Variants in SPTA1 observed in about 807,000 individuals in gnomAD.
SPTA1 encodes spectrin alpha chain, erythrocytic 1.
A neutral mutation model predicts 324.7 loss-of-function variants in SPTA1; 177 were observed. The observed-to-expected ratio is 0.55, with a 90% confidence interval of 0.48 to 0.62. SPTA1 has a LOEUF of 0.62. Among genes scored for constraint, SPTA1 ranks in the 20% least tolerant of loss-of-function variants. SPTA1 has a pLI of 0.00. For missense variants in SPTA1, 3,162 were observed against 2,883.6 expected (o/e 1.10, Z -2.21); for synonymous variants, 1,195 against 1,041.3 (o/e 1.15, Z -2.84).
In SPTA1 at chr1:158,662,692, C is replaced by T. The variant is rs749560378; in HGVS notation, c.2464+10G>A. ...TTCCTAGTGGCTCAGCCTGCTCAGG[C>T]TGTACTAACCAAGGTAGGTGGAAGT... On this transcript the variant is annotated intron_variant, in intron 17 of 51. Coordinates refer to ENST00000643759, the MANE Select transcript of SPTA1 (RefSeq NM_003126.4). The T allele has an allele frequency of 1.9e-6, 3 of 1,613,658 alleles. No individual in the cohort carries two copies. Among genetic ancestry groups the T allele is most frequent in the Non-Finnish European group, 2.5e-6 (3 of 1,179,936 alleles).
At chr1:158,664,435 G>A (rs78580275) in intron 16 of SPTA1, among the ~76,000 whole-genome samples, 11,700 of 152,150 alleles carry the variant, frequency 0.077, 1,540 homozygotes, top group African/African-American at 0.27. Context: ...GGAATGAAAA[G>A]CCAAACACCG....
intron 1 of SPTA1, among the ~76,000 whole-genome samples, chr1:158,685,803 A>T (rs1321369906): frequency 6.6e-6 from 1 of 152,176 alleles, no homozygotes; most frequent in African/African-American, 2.4e-5. Flanking sequence ...TATATGCAAC[A>T]GTTTGAAAAT....
chr1:158,642,385 A>G, intron 33 of SPTA1, 26 bp downstream of exon 33: 1 of 1,609,816 alleles, frequency 6.2e-7, no homozygotes, highest in Non-Finnish European at 8.5e-7. Context: ...GTGACTTTGT[A>G]GCCCAAAACT....
At chr1:158,685,947 A>C (rs1159802713) in intron 1 of SPTA1, among the ~76,000 whole-genome samples, 1 of 152,216 alleles carries the variant, frequency 6.6e-6, no homozygotes, top group Non-Finnish European at 1.5e-5. Context: ...GCATGTCTGC[A>C]ATTTATTTTT....
At chr1:158,652,708 A>G in intron 22 of SPTA1, 55 bp from the exon 23 acceptor site, 1 of 1,591,382 alleles carries the variant, frequency 6.3e-7, no homozygotes. Context: ...ACAGAAGAGT[A>G]GAGGCTGAGT....
Position 158,619,250 on chromosome 1 carries a change from T to C in SPTA1, c.6502A>G (p.Thr2168Ala), listed in dbSNP as rs1649758675. 6.2e-7 allele frequency: 1 copy of C among 1,614,108 alleles called. No individual in the cohort carries two copies. The highest frequency in any genetic ancestry group is 8.5e-7 in the Non-Finnish European group (1 of 1,179,984). Residue 2168 changes from threonine to alanine, a missense_variant, in exon 45 of 52, where the codon ACC becomes GCC. Transcript: ENST00000643759. Reference protein sequence around the residue: ...MCQEFEQNASTFLQWILETRA... With the variant: ...MCQEFEQNASAFLQWILETRA... ...GTTTCCAGGATCCATTGAAGGAAGG[T>C]ACTGGCATTCTGTTCAAACTCCTGA...
At chr1:158,662,668 T>C in intron 17 of SPTA1, 34 bp downstream of exon 17, 3 of 1,613,004 alleles carry the variant, frequency 1.9e-6, no homozygotes, top group Non-Finnish European at 2.5e-6. Flanking sequence ...CTTGGTCCTT[T>C]CCTAGTGGCT....
chr1:158,637,208 T>C (rs1651149056), intron 36 of SPTA1, among the ~76,000 whole-genome samples: 1 of 152,208 alleles, frequency 6.6e-6, no homozygotes, highest in Non-Finnish European at 1.5e-5. Flanking sequence ...GCAGTTGGGA[T>C]GCTTCCAAGT....
intron 39 of SPTA1, among the ~76,000 whole-genome samples, chr1:158,632,569 T>C (rs1423757988): frequency 1.3e-5 from 2 of 152,190 alleles, no homozygotes; most frequent in Non-Finnish European, 2.9e-5. Flanking sequence ...TAAAACATCA[T>C]TATCCATTAA....
At chr1:158,669,360 G>A (rs1653835216) in intron 14 of SPTA1, 48 bp downstream of exon 14, 1 of 1,612,414 alleles carries the variant, frequency 6.2e-7, no homozygotes, top group Non-Finnish European at 8.5e-7. Flanking sequence ...TACTTCCAAT[G>A]AAAGGAACTC....
At chr1:158,626,371 A>G (rs1650269629) in intron 41 of SPTA1, 149 bp from the exon 42 acceptor site, 7 of 795,940 alleles carry the variant, frequency 8.8e-6, no homozygotes, top group Middle Eastern at 2.5e-4. Context: ...AGTGGGACCA[A>G]TGGATCGTTT....
chr1:158,640,593 C>A (rs549282261), intron 33 of SPTA1, among the ~76,000 whole-genome samples: 24 of 152,178 alleles, frequency 1.6e-4, no homozygotes, highest in Admixed American at 6.5e-4. Flanking sequence ...AATAAAATAC[C>A]TAGGAATCCA....
Position 158,614,268 on chromosome 1 carries a change from A to C in SPTA1, c.6827T>G (p.Phe2276Cys). 1 of 1,596,366 alleles carries C rather than the reference A, an allele frequency of 6.3e-7. No individual in the cohort carries two copies. Among genetic ancestry groups the C allele is most frequent in the South Asian group, 1.1e-5 (1 of 90,600 alleles). Reference protein sequence around the residue: ...KGVSEETLKEFSTIYKHFDEN... With the variant: ...KGVSEETLKECSTIYKHFDEN... The stretch of plus-strand genomic sequence containing the variant: ...TTATACTCACTTATAGATTGTGCTA[A>C]ATTCCTTTAGAGTCTCTTCACTCAC... The change falls in exon 49 of 52, where the codon TTT becomes TGT. Residue 2276 changes from phenylalanine to cysteine, a missense_variant. Physicochemically the swap from Phe to Cys is radical, Grantham distance 205. Transcript: ENST00000643759.
intron 15 of SPTA1, among the ~76,000 whole-genome samples, chr1:158,667,553 A>T (rs1447088688): frequency 2.6e-5 from 4 of 152,334 alleles, no homozygotes; most frequent in African/African-American, 7.2e-5. Flanking sequence ...TTCAAGGGAA[A>T]GAAAAACAAC....
Position 158,674,389 on chromosome 1 carries a change from A to T in SPTA1, c.1290T>A (p.Asp430Glu). 2 of 1,614,152 alleles carry T rather than the reference A, an allele frequency of 1.2e-6. No individual in the cohort carries two copies. Among genetic ancestry groups the T allele is most frequent in the Non-Finnish European group, 1.7e-6 (2 of 1,179,982 alleles). The change falls in exon 10 of 52, where the codon GAT (aspartate) becomes GAA (glutamate). Residue 430 changes from aspartate (D) to glutamate (E), a missense_variant. Transcript: ENST00000643759. The part of the protein sequence containing the change: ...DSYDDRFQSA[D>E]ETGQDLVNAN... ...CATTCACGAGGTCTTGACCAGTCTC[A>T]TCAGCAGATTGAAATCGGTCATCGT...
rs1177353050 is a variant in SPTA1, at chr1:158,659,595, A to ATTTTTTTTTTTTTTTTTT, written c.2587+1674_2587+1691dup. Among the ~76,000 whole-genome samples, 84 of 68,770 alleles carry ATTTTTTTTTTTTTTTTTT rather than the reference A, an allele frequency of 1.2e-3. 10 individuals carry two copies. The highest frequency in any genetic ancestry group is 2.4e-3 in the Non-Finnish European group (73 of 30,032). The allele number at this position is 68,770 out of a possible 152,430, so 45.1% of individuals were successfully genotyped here. A position where few individuals can be genotyped will look rare whatever the true frequency, so the allele number is the denominator to read the frequency against. On this transcript the variant is annotated intron_variant, in intron 18 of 51. Transcript: ENST00000643759. ...AAAAGAAAATAATAGTCTTAGCATT[A>ATTTTTTTTTTTTTTTTTT]TTTTTTTTTTTTTTTTTTTTTTTTT... is the stretch of plus-strand genomic sequence containing the variant.
At position 158,611,161 on chromosome 1, in the gene SPTA1, AC is replaced by A. The variant is rs1164809042; in HGVS notation, c.*102del. ...CACACACACACACACACACACACAC[AC>A]ACACGAGGCCATCTTTATCTTCCAC... On this transcript the variant is annotated 3_prime_UTR_variant, in exon 52 of 52. Transcript: ENST00000643759. The A allele has an allele frequency of 3.8e-5, 53 of 1,409,482 alleles. No individual in the cohort carries two copies. In the Admixed American group the frequency reaches 3.9e-4, roughly 10 times the overall value. 87.3% of individuals were successfully genotyped at this position (1,409,482 alleles called of 1,614,324 possible).
intron 15 of SPTA1, among the ~76,000 whole-genome samples, 181 bp from the exon 16 acceptor site, chr1:158,666,678 G>T (rs1398726717): frequency 6.6e-6 from 1 of 151,998 alleles, no homozygotes; most frequent in Non-Finnish European, 1.5e-5. Context: ...GATAATATTT[G>T]TTTCTGAATA....
rs1425932593 is a variant in SPTA1 at position 158,682,953 on chromosome 1, T to C, written c.390+418A>G. ...GGTGTATGAAAAGAAAGAGGCATCA[T>C]AGACAAAGGAAAAATATTTTGGAAA... On this transcript the variant is annotated intron_variant, in intron 3 of 51. Transcript: ENST00000643759. Among the ~76,000 whole-genome samples, 14 of 152,066 alleles carry C rather than the reference T, an allele frequency of 9.2e-5. 1 individual carries two copies. The highest frequency in any genetic ancestry group is 2.9e-5 in the Non-Finnish European group (2 of 68,016).
Sources: gnomAD v4.1 joint callset for allele counts (sites outside exome capture counted in the v4.1 genomes callset) on GRCh38, gnomAD v4.1.1 for gene constraint, MANE v1.5 for transcripts, NCBI Gene and HGNC (gene_info 2026-07-23, HGNC 2026-07-21) for gene names.